The following DEPTOR variants were observed in gnomAD, a reference collection of about 807,000 sequenced individuals.
The protein encoded by DEPTOR is DEP domain-containing mTOR-interacting protein.
A neutral mutation model predicts 41.6 loss-of-function variants in DEPTOR; 41 were observed. That is an observed-to-expected ratio of 0.98 (90% CI 0.77 to 1.28). DEPTOR has a LOEUF of 1.28. DEPTOR is among the 50% of genes most tolerant of loss of function. The probability of loss-of-function intolerance (pLI) is 0.00; values close to 1 mark genes in which losing one functional copy is unlikely to be tolerated. For synonymous variants in DEPTOR, 195 were observed against 192.3 expected, an observed-to-expected ratio of 1.01 and a Z score of -0.12; for missense variants, 514 against 527.9, an observed-to-expected ratio of 0.97 and a Z score of 0.26.
intron 1 of DEPTOR, among the ~76,000 whole-genome samples, chr8:119,896,657 C>T (rs1487585640): frequency 3.3e-5 from 5 of 152,014 alleles, no homozygotes; most frequent in African/African-American, 9.7e-5. Context: ...GTGCCACTGT[C>T]TGGCTAATTT....
intron 8 of DEPTOR, among the ~76,000 whole-genome samples, chr8:120,018,520 C>T (rs934911609): frequency 1.3e-5 from 2 of 151,906 alleles, no homozygotes; most frequent in South Asian, 2.1e-4. Context: ...TGGAGGTTGC[C>T]GTGAACCAAG....
In DEPTOR at chr8:120,005,787, G is replaced by C. The variant is rs983114419; in HGVS notation, c.926-1018G>C. Among the ~76,000 whole-genome samples, 4 of 152,266 alleles carry C rather than the reference G, an allele frequency of 2.6e-5. No individual in the cohort carries two copies. In the South Asian group the frequency reaches 8.3e-4, roughly 32 times the overall value. On this transcript the variant is annotated intron_variant, in intron 6 of 8. Transcript: ENST00000286234. ...CATTATCGGTGGGTTTTAGGCAGCC[G>C]CAAGTCAGGAATTGGCTGCTGTCTG... is the stretch of plus-strand genomic sequence containing the variant.
intron 8 of DEPTOR, among the ~76,000 whole-genome samples, chr8:120,043,939 G>A (rs1474408354): frequency 2.0e-5 from 3 of 151,836 alleles, no homozygotes; most frequent in Admixed American, 1.3e-4. Flanking sequence ...TTGAACCCGG[G>A]TGTAGGAAGT....
At chr8:119,989,541 A>G (rs1014860770) in intron 4 of DEPTOR, among the ~76,000 whole-genome samples, 1 of 152,170 alleles carries the variant, frequency 6.6e-6, no homozygotes, top group African/African-American at 2.4e-5. Context: ...TCTGAGATAC[A>G]TGGGCAAGTT....
In DEPTOR at chr8:120,001,523, A is replaced by G. The variant is rs1264463131; in HGVS notation, c.605-2A>G. ...ATTGGTTGTTTTTTTTTTTCTCCCCAGTGTCCAACAAGCACCCATTTGTGG... is the reference window on the plus strand; with the variant it reads ...ATTGGTTGTTTTTTTTTTTCTCCCCGGTGTCCAACAAGCACCCATTTGTGG... On this transcript the variant is annotated splice_acceptor_variant, in intron 4 of 8. Coordinates refer to ENST00000286234, the MANE Select transcript of DEPTOR (RefSeq NM_022783.4). LOFTEE classifies it high-confidence loss of function. The G allele has an allele frequency of 1.3e-6, 2 of 1,593,930 alleles. No homozygotes were observed. Among genetic ancestry groups the G allele is most frequent in the Non-Finnish European group, 8.5e-7 (1 of 1,170,510 alleles).
Position 119,939,309 on chromosome 8 carries a change from G to C in DEPTOR, c.425+9371G>C, listed in dbSNP as rs138771083. On this transcript the variant is annotated intron_variant, in intron 3 of 8. Transcript: ENST00000286234. ...CTGCCGGGGAAGGGCCGTCTCAGGA[G>C]GCAGCCTCATGTCTAGTTTCATCCA... Among the ~76,000 whole-genome samples the C allele has an allele frequency of 6.1e-3, 936 of 152,264 alleles. 8 individuals are homozygous for C. Among genetic ancestry groups the C allele is most frequent in the African/African-American group, 0.021 (878 of 41,554 alleles).
At chr8:119,906,547 C>T (rs934698175) in intron 1 of DEPTOR, among the ~76,000 whole-genome samples, 1 of 152,144 alleles carries the variant, frequency 6.6e-6, no homozygotes, top group Non-Finnish European at 1.5e-5. Flanking sequence ...TTAGGCCCCT[C>T]CTTTATAGAC....
chr8:120,013,152 C>T (rs372159174), intron 8 of DEPTOR, among the ~76,000 whole-genome samples: 77 of 123,320 alleles, frequency 6.2e-4, no homozygotes, highest in African/African-American at 2.1e-3. Flanking sequence ...GCGAGACTGT[C>T]TCAAAAAGAA....
chr8:119,903,173 A>G (rs569026578), intron 1 of DEPTOR, among the ~76,000 whole-genome samples: 1 of 152,116 alleles, frequency 6.6e-6, no homozygotes, highest in Non-Finnish European at 1.5e-5. Context: ...ATCTCAGCTC[A>G]CTGCAACCTC....
intron 3 of DEPTOR, among the ~76,000 whole-genome samples, chr8:119,941,399 G>T (rs1274660882): frequency 3.5e-5 from 5 of 143,068 alleles, no homozygotes; most frequent in African/African-American, 1.3e-4. Context: ...AAAAAAAAAG[G>T]TTAGAATGGT....
intron 1 of DEPTOR, among the ~76,000 whole-genome samples, chr8:119,883,803 C>G (rs1040799345): frequency 1.3e-5 from 2 of 152,124 alleles, no homozygotes; most frequent in Non-Finnish European, 2.9e-5. Flanking sequence ...ATTGAGTAAG[C>G]CTTGGGCCAG....
intron 3 of DEPTOR, among the ~76,000 whole-genome samples, chr8:119,936,058 T>C (rs891623218): frequency 4.0e-5 from 6 of 150,334 alleles, no homozygotes; most frequent in African/African-American, 1.5e-4. Flanking sequence ...CAGGAGTTTC[T>C]ATCTCCAGCT....
Position 120,006,843 on chromosome 8 carries a change from C to T in DEPTOR, c.964C>T (p.Pro322Ser), listed in dbSNP as rs141805893. 5 of 1,614,054 alleles carry T rather than the reference C, an allele frequency of 3.1e-6. No individual in the cohort carries two copies. In the African/African-American group the frequency reaches 6.7e-5, roughly 22 times the overall value. ...TGTCACCTCTGAGGAACTCCTTACT[C>T]CCGGGGCTCCGTATGCAAGGAAGAC... Reference protein sequence around the residue: ...RPVTSEELLTPGAPYARKTFT... With the variant: ...RPVTSEELLTSGAPYARKTFT... Residue 322 changes from proline (P) to serine (S), a missense_variant, in exon 7 of 9, where the codon CCC (proline) becomes TCC (serine). Physicochemically the swap from Pro to Ser is moderately conservative, Grantham distance 74. Transcript: ENST00000286234.
intron 3 of DEPTOR, among the ~76,000 whole-genome samples, chr8:119,935,177 G>T (rs915305569): frequency 3.3e-5 from 5 of 152,096 alleles, no homozygotes; most frequent in African/African-American, 1.2e-4. Context: ...TTGTCTCTTC[G>T]GGAGGGGCTT....
intron 4 of DEPTOR, among the ~76,000 whole-genome samples, chr8:119,990,421 T>C (rs1364363365): frequency 6.6e-6 from 1 of 151,650 alleles, no homozygotes; most frequent in Non-Finnish European, 1.5e-5. Context: ...CCTCCCAAAG[T>C]GCGGGATTAC....
chr8:119,942,565 G>A (rs1828217665), intron 3 of DEPTOR, among the ~76,000 whole-genome samples: 1 of 152,150 alleles, frequency 6.6e-6, no homozygotes, highest in African/African-American at 2.4e-5. Context: ...CTCATTGATG[G>A]TGGAGATTGA....
chr8:119,887,837 T>C (rs1827393219), intron 1 of DEPTOR, among the ~76,000 whole-genome samples: 1 of 151,794 alleles, frequency 6.6e-6, no homozygotes, highest in South Asian at 2.1e-4. Flanking sequence ...TTTTGTTTTT[T>C]GGACACATGG....
At chr8:120,006,980 A>G (rs1199105557) in intron 7 of DEPTOR, 105 bp downstream of exon 7, 8 of 1,133,052 alleles carry the variant, frequency 7.1e-6, no homozygotes, top group Non-Finnish European at 1.0e-5. Flanking sequence ...TACTTTTCTA[A>G]TTTTCTTTTT....
intron 8 of DEPTOR, among the ~76,000 whole-genome samples, chr8:120,046,811 C>T (rs1813159917): frequency 6.6e-6 from 1 of 152,112 alleles, no homozygotes; most frequent in East Asian, 1.9e-4. Context: ...GTCTTCAACG[C>T]TTTTCCCTCT....
Sources: gnomAD v4.1 joint callset for allele counts (sites outside exome capture counted in the v4.1 genomes callset) on GRCh38, gnomAD v4.1.1 for gene constraint, MANE v1.5 for transcripts, NCBI Gene and HGNC (gene_info 2026-07-23, HGNC 2026-07-21) for gene names.